Variants in ANKS1B observed in about 807,000 individuals in gnomAD.
ANKS1B encodes the protein ankyrin repeat and sterile alpha motif domain containing 1B.
ANKS1B carries 36 observed loss-of-function variants against 148.3 expected under a neutral mutation model. The ratio of observed to expected loss-of-function variants is 0.24; its 90% confidence interval spans 0.19 to 0.32. The LOEUF (loss-of-function observed/expected upper bound fraction) is 0.32. Ranked by LOEUF, ANKS1B falls within the 10% of genes least tolerant of loss-of-function variation. ANKS1B has a pLI of 1.00. For missense variants in ANKS1B, 1,157 were observed against 1,542.6 expected (o/e 0.75, Z 4.19); for synonymous variants, 542 against 560.8 (o/e 0.97, Z 0.47).
intron 17 of ANKS1B, among the ~76,000 whole-genome samples, chr12:99,000,172 G>A (rs2099932073): frequency 6.6e-6 from 1 of 151,794 alleles, no homozygotes; most frequent in Non-Finnish European, 1.5e-5. Context: ...AACAAAAATA[G>A]TGACAAACAG....
At chr12:99,004,082 A>G (rs753985407) in intron 17 of ANKS1B, among the ~76,000 whole-genome samples, 2 of 152,168 alleles carry the variant, frequency 1.3e-5, no homozygotes, top group Non-Finnish European at 2.9e-5. Context: ...TGATGCTTGG[A>G]TATAGGTCCG....
At chr12:99,012,155 G>A (rs1294348403) in intron 17 of ANKS1B, among the ~76,000 whole-genome samples, 3 of 152,152 alleles carry the variant, frequency 2.0e-5, no homozygotes, top group Admixed American at 6.5e-5. Context: ...CCCCAAATTC[G>A]TGTTATGCTC....
At chr12:99,492,207 T>C (rs1309168497) in intron 10 of ANKS1B, among the ~76,000 whole-genome samples, 1 of 152,064 alleles carries the variant, frequency 6.6e-6, no homozygotes. Flanking sequence ...CAATCAGACA[T>C]GACAAAGAGG....
At chr12:99,918,646 G>C (rs1356284740) in intron 1 of ANKS1B, among the ~76,000 whole-genome samples, 3 of 152,098 alleles carry the variant, frequency 2.0e-5, no homozygotes, top group Non-Finnish European at 4.4e-5. Context: ...TCATGTTTTT[G>C]TATTTAGTTG....
intron 9 of ANKS1B, among the ~76,000 whole-genome samples, chr12:99,511,058 A>G (rs1034001835): frequency 6.6e-6 from 1 of 151,828 alleles, no homozygotes; most frequent in Non-Finnish European, 1.5e-5. Flanking sequence ...TTCCAATACT[A>G]TGTTGAATAG....
chr12:99,282,551 A>T (rs945087141), intron 12 of ANKS1B, among the ~76,000 whole-genome samples: 1 of 152,172 alleles, frequency 6.6e-6, no homozygotes, highest in Admixed American at 6.5e-5. Context: ...AAAGGCTATT[A>T]TTCCCCTAAT....
chr12:99,065,514 C>A (rs544167858), intron 16 of ANKS1B, among the ~76,000 whole-genome samples: 2 of 152,220 alleles, frequency 1.3e-5, no homozygotes, highest in East Asian at 3.9e-4. Context: ...ATATGTCATT[C>A]ACATGGTGGT....
At chr12:99,228,830 T>C (rs915857324) in intron 14 of ANKS1B, among the ~76,000 whole-genome samples, 2 of 151,934 alleles carry the variant, frequency 1.3e-5, no homozygotes, top group Non-Finnish European at 2.9e-5. Flanking sequence ...AATCATATAT[T>C]CACAAACAGT....
At chr12:99,807,718 C>A (rs2067816834) in intron 3 of ANKS1B, among the ~76,000 whole-genome samples, 1 of 151,978 alleles carries the variant, frequency 6.6e-6, no homozygotes, top group African/African-American at 2.4e-5. Context: ...GATGAGAAAA[C>A]TGAGGCACTG....
chr12:99,929,052 T>C (rs1293072552), intron 1 of ANKS1B, among the ~76,000 whole-genome samples: 1 of 152,184 alleles, frequency 6.6e-6, no homozygotes, highest in Non-Finnish European at 1.5e-5. Context: ...TATTATACAA[T>C]TGCAGGAAAT....
At chr12:99,939,577 G>C (rs1329100738) in intron 1 of ANKS1B, among the ~76,000 whole-genome samples, 1 of 151,992 alleles carries the variant, frequency 6.6e-6, no homozygotes, top group Non-Finnish European at 1.5e-5. Flanking sequence ...CATCATCACA[G>C]GCTCATTGTA....
chr12:98,770,634 C>A (rs1226382363), intron 25 of ANKS1B, among the ~76,000 whole-genome samples: 4 of 151,832 alleles, frequency 2.6e-5, no homozygotes, highest in Non-Finnish European at 5.9e-5. Flanking sequence ...TTTTAAAGGC[C>A]CATGATCATT....
chr12:99,064,349 G>A (rs555000463), intron 16 of ANKS1B, among the ~76,000 whole-genome samples: 3 of 152,234 alleles, frequency 2.0e-5, no homozygotes, highest in Admixed American at 1.3e-4. Flanking sequence ...TAGAAGTGAA[G>A]CAATGGACAG....
At chr12:98,887,572 T>C (rs1474431839) in intron 17 of ANKS1B, among the ~76,000 whole-genome samples, 2 of 152,190 alleles carry the variant, frequency 1.3e-5, no homozygotes, top group Non-Finnish European at 2.9e-5. Flanking sequence ...CAACAATTAT[T>C]TAGTTTTTCT....
chr12:99,064,688 T>C (rs931999206), intron 16 of ANKS1B, among the ~76,000 whole-genome samples: 1 of 152,210 alleles, frequency 6.6e-6, no homozygotes, highest in African/African-American at 2.4e-5. Context: ...ATTAACTCTA[T>C]CTGTAGCAGC....
At chr12:99,528,432 C>CAAAA (rs537716638) in intron 9 of ANKS1B, among the ~76,000 whole-genome samples, 69 of 96,710 alleles carry the variant, frequency 7.1e-4, no homozygotes, top group African/African-American at 2.3e-3. Context: ...AAAACAAAAA[C>CAAAA]AAAAAAAAAA....
chr12:98,766,617 T>C (rs776608799), intron 25 of ANKS1B, among the ~76,000 whole-genome samples: 7 of 152,194 alleles, frequency 4.6e-5, no homozygotes, highest in Non-Finnish European at 8.8e-5. Flanking sequence ...ATGAGAGAGA[T>C]CACCCGCCTC....
intron 20 of ANKS1B, among the ~76,000 whole-genome samples, chr12:98,804,404 T>C (rs1453212282): frequency 7.1e-6 from 1 of 141,230 alleles, no homozygotes; most frequent in Non-Finnish European, 1.5e-5. Flanking sequence ...TCAACTTCTC[T>C]CCCCACCCCT....
In ANKS1B at chr12:99,404,044, G is replaced by A. The variant is rs138898708; in HGVS notation, c.1576-4233C>T. On this transcript the variant is annotated intron_variant, in intron 11 of 26. Transcript: ENST00000683438. ...CTTTTCAGGAACATGGTTGGAGACC[G>A]AGGCTATTATCCTTAGCAAACTAAC... 6.0e-4 allele frequency among the ~76,000 whole-genome samples: 88 copies of A among 146,454 alleles called. 10 individuals carry two copies. Among genetic ancestry groups the A allele is most frequent in the African/African-American group, 2.3e-3 (87 of 38,652 alleles).
Sources: gnomAD v4.1 joint callset for allele counts (sites outside exome capture counted in the v4.1 genomes callset) on GRCh38, gnomAD v4.1.1 for gene constraint, MANE v1.5 for transcripts, NCBI Gene and HGNC (gene_info 2026-07-23, HGNC 2026-07-21) for gene names.